GPR179: variants seen among roughly 807,000 people sequenced by gnomAD.
GPR179 encodes the protein probable G protein-coupled receptor 179.
In GPR179, 52 loss-of-function variants were observed where a neutral mutation model predicts 70.8. The ratio of observed to expected loss-of-function variants is 0.73; its 90% CI spans 0.59 to 0.93. The LOEUF is 0.93. Among genes scored for constraint, GPR179 ranks in the 40% least tolerant of loss-of-function variants. The pLI is 0.00. For missense variants in GPR179, 2,734 were observed against 2,966.8 expected (o/e 0.92, Z 1.82); for synonymous variants, 1,123 against 1,169.0 (o/e 0.96, Z 0.80).
At position 38,329,842 on chromosome 17, in the gene GPR179, C is replaced by G; in HGVS notation, c.3727G>C (p.Val1243Leu). Reference sequence around the variant, plus strand: ...GATTCAGTGACCTCCCAGGGGCATACCTCTGCCACCCTGTGGTCAGCGCTG... The same window carrying G: ...GATTCAGTGACCTCCCAGGGGCATAGCTCTGCCACCCTGTGGTCAGCGCTG... Reference protein sequence around the residue: ...LGSADHRVAEVCPWEVTESET... With the variant: ...LGSADHRVAELCPWEVTESET... Residue 1243 changes from valine (V) to leucine (L), a missense_variant, in exon 11 of 11, where the codon GTA becomes CTA. Val to Leu is a conservative substitution (Grantham distance 32). Transcript: ENST00000616987. 1 of 1,613,988 alleles carries G rather than the reference C, an allele frequency of 6.2e-7. No individual in the cohort carries two copies. The highest frequency in any genetic ancestry group is 2.2e-5 in the East Asian group (1 of 44,878).
chr17:38,334,837 G>T lies in GPR179; in HGVS notation c.1651C>A (p.Leu551Met), dbSNP rs535259201. Residue 551 changes from leucine to methionine, a missense_variant, in exon 8 of 11, where the codon CTG becomes ATG. Coordinates refer to ENST00000616987, the MANE Select transcript of GPR179 (RefSeq NM_001004334.4). This position sits in a 1 kb window ranked among gnomAD's most constrained non-coding sequence, Gnocchi z 4.7. The part of the protein sequence containing the change: ...RWDYIMVVAE[L>M]LLLCWGSFLC... ...AAGCTGCCCCAGCACAGCAGCAGCA[G>T]CTCAGCTGTGGGGAGACAGGGAGGG... is the stretch of plus-strand genomic sequence containing the variant. 7 of 1,611,884 alleles carry T rather than the reference G, an allele frequency of 4.3e-6. No homozygotes were observed. The South Asian group carries it at 5.5e-5, about 13-fold the overall frequency.
At position 38,333,916 on chromosome 17, in the gene GPR179, G is replaced by A. The variant is rs902716962; in HGVS notation, c.1890+17C>T. Reference sequence around the variant, plus strand: ...GGGGCTGGGGTCCACCTCACAGGCAGGAGGGGAGGGCCTCACCTTAGGGAT... The same window carrying A: ...GGGGCTGGGGTCCACCTCACAGGCAAGAGGGGAGGGCCTCACCTTAGGGAT... On this transcript the variant is annotated intron_variant, in intron 9 of 10. Coordinates refer to ENST00000616987, the MANE Select transcript of GPR179 (RefSeq NM_001004334.4). The A allele has an allele frequency of 3.2e-6, 5 of 1,570,294 alleles. No individual in the cohort carries two copies. The African/African-American group carries it at 5.4e-5, about 17-fold the overall frequency.
At chr17:38,341,107 C>G (rs947985722) in intron 1 of GPR179, among the ~76,000 whole-genome samples, 2 of 152,300 alleles carry the variant, frequency 1.3e-5, no homozygotes, top group Non-Finnish European at 2.9e-5. Flanking sequence ...CAAACTTTAG[C>G]CCAGCACCTG....
rs186277268 is a variant in GPR179 at position 38,334,296 on chromosome 17, C to T, written c.1785-258G>A. Among the ~76,000 whole-genome samples, 43 of 152,334 alleles carry T rather than the reference C, an allele frequency of 2.8e-4. No homozygotes were observed. Among genetic ancestry groups the T allele is most frequent in the African/African-American group, 9.6e-4 (40 of 41,560 alleles). On this transcript the variant is annotated intron_variant, in intron 8 of 10. Transcript: ENST00000616987. This position sits in a 1 kb window ranked among gnomAD's most constrained non-coding sequence, Gnocchi z 4.7. ...CAGACCTGTGCTCCAGACTCTTAGG[C>T]CCACTCTGTGGGTTAACTCTGCCTC...
Position 38,328,601 on chromosome 17 carries a change from AG to A in GPR179, c.4967del (p.Pro1656LeufsTer42), listed in dbSNP as rs770701445. The A allele has an allele frequency of 2.3e-5, 37 of 1,613,970 alleles. No homozygotes were observed. Among genetic ancestry groups the A allele is most frequent in the Non-Finnish European group, 3.1e-5 (37 of 1,180,024 alleles). ...EAVGPWESVD[P>X]GSFSPQPRPQ... ...GACGTGGTTGTGGGGAGAAGCTGCCAGGGTCCACACTCTCCCAGGGGCCGAC... is the reference window on the plus strand; with the variant it reads ...GACGTGGTTGTGGGGAGAAGCTGCCAGGTCCACACTCTCCCAGGGGCCGAC... On this transcript the variant is annotated frameshift_variant, in exon 11 of 11. Transcript: ENST00000616987. LOFTEE classifies it low-confidence loss of function (END_TRUNC).
rs772253518 is a variant in GPR179, at chr17:38,337,071, C to T, written c.1134G>A (p.Ala378=). 9.3e-6 allele frequency: 15 copies of T among 1,608,708 alleles called. No homozygotes were observed. The highest frequency in any genetic ancestry group is 5.6e-5 in the South Asian group (5 of 90,080). The change falls in exon 4 of 11, where the codon GCG becomes GCA. Residue 378 remains alanine (A), a synonymous_variant. Coordinates refer to ENST00000616987, the MANE Select transcript of GPR179 (RefSeq NM_001004334.4). The part of the protein sequence containing the change: ...DATPCLVEEA[A]VLRAAVLACQ... The stretch of plus-strand genomic sequence containing the variant: ...AGGCCAGCACAGCGGCCCGCAGCAC[C>T]GCGGCCTCTTCCACCAGGCACGGTG...
Position 38,329,521 on chromosome 17 carries a change from C to T in GPR179, c.4048G>A (p.Gly1350Arg). 1 of 1,614,112 alleles carries T rather than the reference C, an allele frequency of 6.2e-7. No homozygotes were observed. Among genetic ancestry groups the T allele is most frequent in the East Asian group, 2.2e-5 (1 of 44,870 alleles). Residue 1350 changes from glycine to arginine, a missense_variant, in exon 11 of 11, where the codon GGG becomes AGG. Physicochemically the swap from Gly to Arg is moderately radical, Grantham distance 125. Coordinates refer to ENST00000616987, the MANE Select transcript of GPR179 (RefSeq NM_001004334.4). ...ACCTTCCTGGCCTCCACACTGTCCC[C>T]CGCCTCAGATTTGTCTCTGATTCTG... is the stretch of plus-strand genomic sequence containing the variant. ...PGRIRDKSEAGDSVEARKVEK... is the reference protein window; with the variant it reads ...PGRIRDKSEARDSVEARKVEK...
In GPR179 at chr17:38,326,728, C is replaced by T. The variant is rs1245051505; in HGVS notation, c.6841G>A (p.Gly2281Arg). Residue 2281 changes from glycine to arginine, a missense_variant, in exon 11 of 11, where the codon GGG (glycine) becomes AGG (arginine). Coordinates refer to ENST00000616987, the MANE Select transcript of GPR179 (RefSeq NM_001004334.4). ...TCTGGAAAGAAGTGATCCAGAGGCC[C>T]ATGGACTAAAAGGCATAGTGGTTTT... ...PEKPLCLLVHGPLDHFFPESK... is the reference protein window; with the variant it reads ...PEKPLCLLVHRPLDHFFPESK... 6.2e-7 allele frequency: 1 copy of T among 1,614,058 alleles called. No homozygotes were observed. Among genetic ancestry groups the T allele is most frequent in the African/African-American group, 1.3e-5 (1 of 74,918 alleles).
At position 38,343,544 on chromosome 17, in the gene GPR179, C is replaced by T. The variant is rs758640781; in HGVS notation, c.246G>A (p.Ala82=). The T allele has an allele frequency of 8.7e-6, 14 of 1,613,640 alleles. No homozygotes were observed. Among genetic ancestry groups the T allele is most frequent in the East Asian group, 4.5e-5 (2 of 44,892 alleles). Residue 82 remains alanine (A), a synonymous_variant, in exon 1 of 11, where the codon GCG becomes GCA. Transcript: ENST00000616987. This position sits in a 1 kb window ranked among gnomAD's most constrained non-coding sequence, Gnocchi z 4.2. The stretch of plus-strand genomic sequence containing the variant: ...GCCCTGGCATGGCTCCTGCCCCACG[C>T]GCTTCATAGCGCTCACTGCAATTCA... The part of the protein sequence containing the change: ...SQVNCSERYE[A]RGAGAMPGLP...
chr17:38,331,254 C>T lies in GPR179; in HGVS notation c.2315G>A (p.Arg772His), dbSNP rs200659752. The T allele has an allele frequency of 1.1e-5, 18 of 1,588,460 alleles. No homozygotes were observed. The highest frequency in any genetic ancestry group is 4.6e-5 in the East Asian group (2 of 43,944). ...PEGTPALHKS[R>H]STYDQRREQD... ...CTCCCTGCGCTGGTCATAGGTGCTG[C>T]GGGACTTGTGCAGAGCTGGTGTCCC... Residue 772 changes from arginine to histidine, a missense_variant, in exon 11 of 11, where the codon CGC becomes CAC. Physicochemically the swap from Arg to His is conservative, Grantham distance 29. Transcript: ENST00000616987.
chr17:38,328,607 C>T lies in GPR179; in HGVS notation c.4962G>A (p.Val1654=). The change falls in exon 11 of 11, where the codon GTG becomes GTA. Residue 1654 remains valine (V), a synonymous_variant. Transcript: ENST00000616987. ...GTTGTGGGGAGAAGCTGCCAGGGTC[C>T]ACACTCTCCCAGGGGCCGACCGCTT... ...KQEAVGPWES[V]DPGSFSPQPR... 1.2e-6 allele frequency: 2 copies of T among 1,614,156 alleles called. No homozygotes were observed. Among genetic ancestry groups the T allele is most frequent in the Non-Finnish European group, 1.7e-6 (2 of 1,180,038 alleles).
chr17:38,335,541 G>T (rs368690888), intron 6 of GPR179, 50 bp downstream of exon 6: 2 of 1,289,026 alleles, frequency 1.6e-6, no homozygotes, highest in East Asian at 2.3e-5. Flanking sequence ...GAGTGAGCTG[G>T]GGTGGTCTGG....
At position 38,330,392 on chromosome 17, in the gene GPR179, A is replaced by T; in HGVS notation, c.3177T>A (p.Asn1059Lys). 6.2e-7 allele frequency: 1 copy of T among 1,611,658 alleles called. No homozygotes were observed. The highest frequency in any genetic ancestry group is 8.5e-7 in the Non-Finnish European group (1 of 1,178,744). Residue 1059 changes from asparagine (N) to lysine (K), a missense_variant, in exon 11 of 11, where the codon AAT (asparagine) becomes AAA (lysine). Asn to Lys is a moderately conservative substitution (Grantham distance 94). Coordinates refer to ENST00000616987, the MANE Select transcript of GPR179 (RefSeq NM_001004334.4). ...AEDAHHQREANDVDEDRPKIF... is the reference protein window; with the variant it reads ...AEDAHHQREAKDVDEDRPKIF... ...TCTTGGGCCTGTCTTCGTCCACATC[A>T]TTAGCTTCCCTCTGGTGATGTGCAT...
At chr17:38,336,741 G>T (rs561338082) in intron 4 of GPR179, among the ~76,000 whole-genome samples, 1 of 152,344 alleles carries the variant, frequency 6.6e-6, no homozygotes, top group Non-Finnish European at 1.5e-5. Flanking sequence ...AGCCTAGGCA[G>T]TGTTTTGCTT....
rs2037333833 is a variant in GPR179, at chr17:38,329,823, G to A, written c.3746C>T (p.Thr1249Ile). The stretch of plus-strand genomic sequence containing the variant: ...GTCTGGCTGACGCGTTTCTGATTCA[G>A]TGACCTCCCAGGGGCATACCTCTGC... The part of the protein sequence containing the change: ...RVAEVCPWEV[T>I]ESETRQPDSG... Residue 1249 changes from threonine to isoleucine, a missense_variant, in exon 11 of 11, where the codon ACT (threonine) becomes ATT (isoleucine). Coordinates refer to ENST00000616987, the MANE Select transcript of GPR179 (RefSeq NM_001004334.4). The A allele has an allele frequency of 6.2e-7, 1 of 1,614,088 alleles. No individual in the cohort carries two copies. Among genetic ancestry groups the A allele is most frequent in the Non-Finnish European group, 8.5e-7 (1 of 1,180,022 alleles).
At position 38,334,165 on chromosome 17, in the gene GPR179, C is replaced by T. The variant is rs528147726; in HGVS notation, c.1785-127G>A. On this transcript the variant is annotated intron_variant, in intron 8 of 10. Coordinates refer to ENST00000616987, the MANE Select transcript of GPR179 (RefSeq NM_001004334.4). This position sits in a 1 kb window ranked among gnomAD's most constrained non-coding sequence, Gnocchi z 4.7. The stretch of plus-strand genomic sequence containing the variant: ...TTAGGACGAGGGGGCATTCTGCCCT[C>T]TCCTGCCCTCTCCAGGATTTAGGTC... 8.5e-6 allele frequency: 6 copies of T among 703,988 alleles called. No homozygotes were observed. In the South Asian group the frequency reaches 9.6e-5, roughly 11 times the overall value. 43.6% of individuals were successfully genotyped at this position (703,988 alleles called of 1,614,324 possible). A position where few individuals can be genotyped will look rare whatever the true frequency, so the allele number is the denominator to read the frequency against.
chr17:38,340,407 G>A (rs147496069), intron 1 of GPR179, among the ~76,000 whole-genome samples: 1,650 of 152,318 alleles, frequency 0.011, 15 homozygotes, highest in Non-Finnish European at 0.017. Context: ...CTCCCAAGTA[G>A]CTGGGACTAC....
At position 38,329,842 on chromosome 17, in the gene GPR179, C is replaced by A. The variant is rs1466152571; in HGVS notation, c.3727G>T (p.Val1243Leu). ...GATTCAGTGACCTCCCAGGGGCATA[C>A]CTCTGCCACCCTGTGGTCAGCGCTG... ...LGSADHRVAE[V>L]CPWEVTESET... The change falls in exon 11 of 11, where the codon GTA becomes TTA. Residue 1243 changes from valine to leucine, a missense_variant. Transcript: ENST00000616987. 6.2e-7 allele frequency: 1 copy of A among 1,613,988 alleles called. No homozygotes were observed. Among genetic ancestry groups the A allele is most frequent in the Non-Finnish European group, 8.5e-7 (1 of 1,180,036 alleles).
intron 3 of GPR179, 85 bp from the exon 4 acceptor site, chr17:38,337,298 C>G: frequency 6.8e-7 from 1 of 1,476,772 alleles, no homozygotes; most frequent in Middle Eastern, 1.8e-4. Context: ...GTCACCACAG[C>G]CCTCTCCCTG....
Sources: gnomAD v4.1 joint callset for allele counts (sites outside exome capture counted in the v4.1 genomes callset) on GRCh38, gnomAD v4.1.1 for gene constraint, Gnocchi (gnomAD v3.1) non-coding constraint, MANE v1.5 for transcripts, NCBI Gene and HGNC (gene_info 2026-07-23, HGNC 2026-07-21) for gene names.